The following HMGA2 variants were observed in gnomAD, a reference collection of about 807,000 sequenced individuals.
HMGA2 encodes the protein high mobility group protein HMGI-C.
Under a neutral mutation model 19.1 loss-of-function variants are expected in HMGA2, and 8 were observed. The observed-to-expected ratio is 0.42, with a 90% confidence interval of 0.25 to 0.76. The LOEUF is 0.76. HMGA2 is among the 30% of genes least tolerant of loss of function. The pLI is 0.28. For missense variants in HMGA2, 109 were observed against 136.3 expected (o/e 0.80, Z 1.00); for synonymous variants, 60 against 48.8 (o/e 1.23, Z -0.96).
chr12:65,889,811 A>G (rs1336192358), intron 3 of HMGA2, among the ~76,000 whole-genome samples: 2 of 152,224 alleles, frequency 1.3e-5, no homozygotes, highest in African/African-American at 4.8e-5. Flanking sequence ...CATCTGCTGT[A>G]GGACTCAATA....
rs572340167 is a variant in HMGA2 at position 65,887,252 on chromosome 12, G to A, written c.249+48683G>A. Among the ~76,000 whole-genome samples, 131 of 152,270 alleles carry A rather than the reference G, an allele frequency of 8.6e-4. 2 individuals carry two copies. In the Middle Eastern group the frequency reaches 0.041, roughly 47 times the overall value. Reference sequence around the variant, plus strand: ...ATCTTGGCTATTCTTTTTCAAGCTGGCATTCCAATGAGTCACCATATGGAA... The same window carrying A: ...ATCTTGGCTATTCTTTTTCAAGCTGACATTCCAATGAGTCACCATATGGAA... On this transcript the variant is annotated intron_variant, in intron 3 of 4. Transcript: ENST00000403681.
chr12:65,909,354 A>G (rs1195678954), intron 3 of HMGA2, among the ~76,000 whole-genome samples: 1 of 152,202 alleles, frequency 6.6e-6, no homozygotes, highest in Non-Finnish European at 1.5e-5. Context: ...CAGGAAATTT[A>G]AACTATGGAT....
chr12:65,934,578 T>G (rs1875828149), intron 3 of HMGA2, among the ~76,000 whole-genome samples: 2 of 152,116 alleles, frequency 1.3e-5, no homozygotes, highest in Admixed American at 6.5e-5. Context: ...ATACCTCCAT[T>G]TTCTCTATAA....
chr12:65,949,183 C>T (rs992559161), intron 3 of HMGA2, among the ~76,000 whole-genome samples: 3 of 151,932 alleles, frequency 2.0e-5, no homozygotes, highest in Admixed American at 2.0e-4. Flanking sequence ...TTTGTGATGA[C>T]GTCATCTTTA....
chr12:65,878,192 C>T (rs951882765), intron 3 of HMGA2, among the ~76,000 whole-genome samples: 2 of 152,188 alleles, frequency 1.3e-5, no homozygotes, highest in African/African-American at 4.8e-5. Flanking sequence ...TTTTAAGCTT[C>T]TTAAAATGGT....
chr12:65,855,283 C>G (rs898355742), intron 3 of HMGA2, among the ~76,000 whole-genome samples: 8 of 152,162 alleles, frequency 5.3e-5, no homozygotes, highest in Non-Finnish European at 1.0e-4. Context: ...CTATCTGGCC[C>G]AGTCTCTAGA....
At chr12:65,863,576 A>G (rs201973695) in intron 3 of HMGA2, among the ~76,000 whole-genome samples, 1 of 80,816 alleles carries the variant, frequency 1.2e-5, no homozygotes, top group African/African-American at 2.8e-5. Flanking sequence ...GATTTCAAAG[A>G]AAAAAAAATC....
At chr12:65,947,183 G>T (rs1435854018) in intron 3 of HMGA2, among the ~76,000 whole-genome samples, 2 of 151,564 alleles carry the variant, frequency 1.3e-5, no homozygotes, top group Non-Finnish European at 2.9e-5. Flanking sequence ...GCAATGGTGT[G>T]ATCATAGCTT....
At position 65,963,483 on chromosome 12, in the gene HMGA2, C is replaced by T. The variant is rs1565744322; in HGVS notation, c.*191C>T. 5 of 603,542 alleles carry T rather than the reference C, an allele frequency of 8.3e-6. No individual in the cohort carries two copies. Among genetic ancestry groups the T allele is most frequent in the South Asian group, 2.1e-5 (1 of 47,740 alleles). The allele number at this position is 603,542 out of a possible 1,614,324, so 37.4% of individuals were successfully genotyped here. A position where few individuals can be genotyped will look rare whatever the true frequency, so the allele number is the denominator to read the frequency against. ...ACCTTAAAAAGGACTATATTAATCA[C>T]CTTCTTTGTAATCCCTTCACAGTCC... On this transcript the variant is annotated 3_prime_UTR_variant, in exon 5 of 5. Coordinates refer to ENST00000403681, the MANE Select transcript of HMGA2 (RefSeq NM_003483.6).
intron 3 of HMGA2, among the ~76,000 whole-genome samples, chr12:65,899,287 C>A (rs1379777099): frequency 1.3e-5 from 2 of 152,162 alleles, no homozygotes; most frequent in Admixed American, 1.3e-4. Context: ...TAGTTTATGA[C>A]ACATTTGGGA....
At chr12:65,931,677 T>G (rs1200669913) in intron 3 of HMGA2, among the ~76,000 whole-genome samples, 1 of 151,908 alleles carries the variant, frequency 6.6e-6, no homozygotes, top group Non-Finnish European at 1.5e-5. Flanking sequence ...CTATGTCCCT[T>G]TCTCCTCTAA....
chr12:65,871,787 T>C (rs1311346705), intron 3 of HMGA2, among the ~76,000 whole-genome samples: 1 of 152,218 alleles, frequency 6.6e-6, no homozygotes, highest in Non-Finnish European at 1.5e-5. Context: ...ACTTCCAGTT[T>C]GACTTCTGCC....
chr12:65,835,758 C>T (rs933174710), intron 2 of HMGA2, among the ~76,000 whole-genome samples: 2 of 152,148 alleles, frequency 1.3e-5, no homozygotes, highest in Non-Finnish European at 1.5e-5. Flanking sequence ...CACATCATGG[C>T]CCCTGAAACA....
chr12:65,890,324 C>T (rs1389108270), intron 3 of HMGA2, among the ~76,000 whole-genome samples: 1 of 152,236 alleles, frequency 6.6e-6, no homozygotes, highest in East Asian at 1.9e-4. Context: ...GAGGCATATT[C>T]CTCAACAATT....
rs113797502 is a variant in HMGA2 at position 65,961,345 on chromosome 12, G to T, written c.283-1900G>T. 2.6e-4 allele frequency among the ~76,000 whole-genome samples: 40 copies of T among 152,288 alleles called. 1 individual carries two copies. The highest frequency in any genetic ancestry group is 9.6e-4 in the African/African-American group (40 of 41,570). ...CTGATCTTTGGCTCGTCTCTCTTTC[G>T]TCTGCCCATGGCTTTGATCATGCTA... On this transcript the variant is annotated intron_variant, in intron 4 of 4. Coordinates refer to ENST00000403681, the MANE Select transcript of HMGA2 (RefSeq NM_003483.6).
At chr12:65,856,965 G>C (rs1258902152) in intron 3 of HMGA2, 1 of 152,190 alleles carries the variant, frequency 6.6e-6, no homozygotes, top group Non-Finnish European at 1.5e-5. Context: ...CATTCATAGA[G>C]ACAAGGTGGG....
chr12:65,860,775 T>G (rs1872019034), intron 3 of HMGA2, among the ~76,000 whole-genome samples: 1 of 152,246 alleles, frequency 6.6e-6, no homozygotes. Flanking sequence ...CTGCTGCTGC[T>G]AATCTCTTGG....
intron 3 of HMGA2, among the ~76,000 whole-genome samples, chr12:65,921,114 A>C (rs936741614): frequency 1.3e-4 from 20 of 152,242 alleles, no homozygotes; most frequent in Non-Finnish European, 2.9e-4. Flanking sequence ...TTTAGCAAAG[A>C]GACTGGTGGC....
Position 65,824,713 on chromosome 12 carries a change from T to TTCTCTCTCTCTCTC in HMGA2, c.-515_-502dup, listed in dbSNP as rs60786450. On this transcript the variant is annotated 5_prime_UTR_variant, in exon 1 of 5. Transcript: ENST00000403681. ...CCAAGGCACTTTCAATCTCAATCTC[T>TTCTCTCTCTCTCTC]TCTCTCTCTCTCTCTCTCTCTCTCT... is the stretch of plus-strand genomic sequence containing the variant. The TTCTCTCTCTCTCTC allele has an allele frequency of 4.3e-4, 63 of 145,076 alleles. No homozygotes were observed. Among genetic ancestry groups the TTCTCTCTCTCTCTC allele is most frequent in the East Asian group, 8.7e-4 (11 of 12,608 alleles). The allele number at this position is 145,076 out of a possible 1,614,324, so 9.0% of individuals were successfully genotyped here.
Sources: allele counts gnomAD v4.1 joint callset (sites outside exome capture counted in the v4.1 genomes callset), GRCh38; gene constraint gnomAD v4.1.1; transcripts MANE v1.5; gene names NCBI Gene and HGNC (gene_info 2026-07-23, HGNC 2026-07-21).